Variants in HHAT observed in about 807,000 individuals in gnomAD.
HHAT encodes the protein protein-cysteine N-palmitoyltransferase HHAT.
In HHAT, 47 loss-of-function variants were observed where a neutral mutation model predicts 70.8. That is an observed-to-expected ratio of 0.66 (90% CI 0.53 to 0.85). The LOEUF is 0.85. Ranked by LOEUF, HHAT falls within the 40% of genes least tolerant of loss-of-function variation. HHAT has a pLI of 0.00. For missense variants in HHAT, 609 were observed against 604.8 expected (o/e 1.01, Z -0.07); for synonymous variants, 228 against 247.6 (o/e 0.92, Z 0.74).
intron 1 of HHAT, among the ~76,000 whole-genome samples, chr1:210,338,612 G>C (rs2085726844): frequency 6.6e-6 from 1 of 152,088 alleles, no homozygotes; most frequent in African/African-American, 2.4e-5. Flanking sequence ...AATCTTCTGA[G>C]GTTCGCTATT....
At chr1:210,546,949 G>A (rs144307291) in intron 9 of HHAT, among the ~76,000 whole-genome samples, 1 of 152,270 alleles carries the variant, frequency 6.6e-6, no homozygotes, top group Non-Finnish European at 1.5e-5. Context: ...GATGAACTGG[G>A]GCCATCACCA....
chr1:210,570,123 G>A (rs1293209169), intron 9 of HHAT, among the ~76,000 whole-genome samples: 1 of 152,206 alleles, frequency 6.6e-6, no homozygotes, highest in Non-Finnish European at 1.5e-5. Context: ...TAGAGTTTAT[G>A]TGCTTTGTTC....
At chr1:210,409,818 T>C (rs2092464254) in intron 6 of HHAT, among the ~76,000 whole-genome samples, 1 of 152,238 alleles carries the variant, frequency 6.6e-6, no homozygotes, top group African/African-American at 2.4e-5. Context: ...GGTTTTAAAG[T>C]ATAATGCATT....
At chr1:210,570,843 C>T (rs1258354957) in intron 9 of HHAT, among the ~76,000 whole-genome samples, 1 of 152,070 alleles carries the variant, frequency 6.6e-6, no homozygotes, top group Non-Finnish European at 1.5e-5. Flanking sequence ...GAATATTGGC[C>T]CCACAGGTGA....
intron 11 of HHAT, among the ~76,000 whole-genome samples, chr1:210,628,523 CTTCT>C (rs1670258786): frequency 6.6e-6 from 1 of 152,038 alleles, no homozygotes; most frequent in Non-Finnish European, 1.5e-5. Flanking sequence ...TTTGTTTTTC[CTTCT>C]ATTATCCTAT....
rs572966022 is a variant in HHAT at position 210,357,379 on chromosome 1, G to A, written c.92-5473G>A. On this transcript the variant is annotated intron_variant, in intron 2 of 11. Coordinates refer to ENST00000261458, the MANE Select transcript of HHAT (RefSeq NM_018194.6). ...GGTGCCTTCTCTATACACAAAAGAA[G>A]GGAACATCCTTATCTCAGAAGATGA... is the stretch of plus-strand genomic sequence containing the variant. 5.6e-4 allele frequency among the ~76,000 whole-genome samples: 85 copies of A among 152,280 alleles called. 5 individuals carry two copies. The South Asian group carries it at 0.017, about 31-fold the overall frequency.
intron 9 of HHAT, among the ~76,000 whole-genome samples, chr1:210,567,493 A>G (rs1002169205): frequency 2.0e-5 from 3 of 152,186 alleles, no homozygotes; most frequent in African/African-American, 4.8e-5. Context: ...AGCAGTCTTC[A>G]TTTATCTCTT....
rs181021575 is a variant in HHAT at position 210,478,879 on chromosome 1, G to A, written c.1007+14224G>A. Reference sequence around the variant, plus strand: ...TGAAATGTTTTTCTGGTGCTGGGAAGCATTTTTCTGGACCCCTTCCCTCCA... The same window carrying A: ...TGAAATGTTTTTCTGGTGCTGGGAAACATTTTTCTGGACCCCTTCCCTCCA... On this transcript the variant is annotated intron_variant, in intron 8 of 11. Coordinates refer to ENST00000261458, the MANE Select transcript of HHAT (RefSeq NM_018194.6). Among the ~76,000 whole-genome samples, 4 of 152,292 alleles carry A rather than the reference G, an allele frequency of 2.6e-5. No homozygotes were observed. The East Asian group carries it at 7.7e-4, about 29-fold the overall frequency.
At chr1:210,540,510 CACACAA>C (rs1236487610) in intron 9 of HHAT, among the ~76,000 whole-genome samples, 15 of 128,378 alleles carry the variant, frequency 1.2e-4, no homozygotes, top group South Asian at 5.7e-4. Flanking sequence ...CATGCACACA[CACACAA>C]ACACACGCTC....
chr1:210,434,586 C>G lies in HHAT; in HGVS notation c.856+16261C>G, dbSNP rs189976534. Among the ~76,000 whole-genome samples, 4 of 151,934 alleles carry G rather than the reference C, an allele frequency of 2.6e-5. No homozygotes were observed. In the East Asian group the frequency reaches 5.8e-4, roughly 22 times the overall value. On this transcript the variant is annotated intron_variant, in intron 7 of 11. Coordinates refer to ENST00000261458, the MANE Select transcript of HHAT (RefSeq NM_018194.6). ...TATACAGCTGAAAATACACACATCT[C>G]TTTCCCCAAGTAACTATTCAAGTCC...
At chr1:210,389,354 G>A (rs992144600) in intron 4 of HHAT, among the ~76,000 whole-genome samples, 3 of 152,194 alleles carry the variant, frequency 2.0e-5, no homozygotes, top group African/African-American at 7.2e-5. Context: ...TGATAGCTCA[G>A]GTCTCTTTTC....
rs2095510034 is a variant in HHAT, at chr1:210,549,364, G to A, written c.1043+36176G>A. Among the ~76,000 whole-genome samples the A allele has an allele frequency of 1.3e-5, 2 of 148,976 alleles. 1 individual carries two copies. The highest frequency in any genetic ancestry group is 5.0e-5 in the African/African-American group (2 of 40,252). ...TGCATTTTGTCAGTTACCTGTGAAG[G>A]ATGGATTGGCAGAGTGTGGTATTGT... On this transcript the variant is annotated intron_variant, in intron 9 of 11. Coordinates refer to ENST00000261458, the MANE Select transcript of HHAT (RefSeq NM_018194.6).
chr1:210,581,583 C>CT (rs1659274466), intron 9 of HHAT, among the ~76,000 whole-genome samples: 1 of 152,218 alleles, frequency 6.6e-6, no homozygotes, highest in Non-Finnish European at 1.5e-5. Context: ...AGGACTAGTA[C>CT]TTTTACTTTG....
In HHAT at chr1:210,474,203, C is replaced by T. The variant is rs146751255; in HGVS notation, c.1007+9548C>T. On this transcript the variant is annotated intron_variant, in intron 8 of 11. Transcript: ENST00000261458. Reference sequence around the variant, plus strand: ...CTGCCTCCTAGCATGGGGGCTGGCACATAGTAGGCACTTAACAAACCGATA... The same window carrying T: ...CTGCCTCCTAGCATGGGGGCTGGCATATAGTAGGCACTTAACAAACCGATA... 2.8e-3 allele frequency among the ~76,000 whole-genome samples: 424 copies of T among 152,282 alleles called. 1 individual carries two copies. The highest frequency in any genetic ancestry group is 0.01 in the Middle Eastern group (3 of 294).
chr1:210,600,297 T>C (rs1663942637), intron 10 of HHAT, among the ~76,000 whole-genome samples: 1 of 152,176 alleles, frequency 6.6e-6, no homozygotes, highest in Non-Finnish European at 1.5e-5. Context: ...ATGAATGATA[T>C]TTTCTGACTT....
rs539031089 is a variant in HHAT at position 210,372,626 on chromosome 1, G to T, written c.159+9707G>T. Among the ~76,000 whole-genome samples the T allele has an allele frequency of 5.9e-5, 9 of 152,286 alleles. No individual in the cohort carries two copies. In the South Asian group the frequency reaches 1.7e-3, roughly 28 times the overall value. The stretch of plus-strand genomic sequence containing the variant: ...AGGTACTCCAACAAGCATCTTGCAC[G>T]GAAGTTCCTTCTGAGGCTGGTGCAA... On this transcript the variant is annotated intron_variant, in intron 3 of 11. Coordinates refer to ENST00000261458, the MANE Select transcript of HHAT (RefSeq NM_018194.6).
chr1:210,593,605 A>T (rs1662252639), intron 10 of HHAT, among the ~76,000 whole-genome samples: 1 of 152,142 alleles, frequency 6.6e-6, no homozygotes, highest in African/African-American at 2.4e-5. Flanking sequence ...TCTATCCTTG[A>T]TAAAGATCCA....
chr1:210,350,576 A>C (rs1430005267), intron 2 of HHAT, among the ~76,000 whole-genome samples: 1 of 152,214 alleles, frequency 6.6e-6, no homozygotes, highest in African/African-American at 2.4e-5. Flanking sequence ...TACTTATTTC[A>C]TTGCTGATAT....
chr1:210,358,219 T>G (rs2148007418), intron 2 of HHAT, among the ~76,000 whole-genome samples: 1 of 152,266 alleles, frequency 6.6e-6, no homozygotes, highest in African/African-American at 2.4e-5. Flanking sequence ...GCTTGAGAGT[T>G]TCCATTTCAG....
Sources: allele counts gnomAD v4.1 joint callset (sites outside exome capture counted in the v4.1 genomes callset), GRCh38; gene constraint gnomAD v4.1.1; transcripts MANE v1.5; gene names NCBI Gene and HGNC (gene_info 2026-07-23, HGNC 2026-07-21).